ETFBKMT: variants seen among roughly 807,000 people sequenced by gnomAD.
ETFBKMT encodes the protein electron transfer flavoprotein beta subunit lysine methyltransferase.
In ETFBKMT, 13 loss-of-function variants were observed where a neutral mutation model predicts 18.3. The ratio of observed to expected loss-of-function variants is 0.71; its 90% CI spans 0.46 to 1.13. The LOEUF (loss-of-function observed/expected upper bound fraction) is 1.13. Ranked by LOEUF, ETFBKMT falls within the 50% of genes most tolerant of loss-of-function variation. The pLI, the probability that ETFBKMT is intolerant of heterozygous loss-of-function variation, is 0.00. For synonymous variants in ETFBKMT, 84 were observed against 107.9 expected, an observed-to-expected ratio of 0.78 and a Z score of 1.37; for missense variants, 293 against 306.2, an observed-to-expected ratio of 0.96 and a Z score of 0.32.
chr12:31,665,984 A>G, intron 2 of ETFBKMT, 103 bp from the exon 3 acceptor site: 1 of 925,530 alleles, frequency 1.1e-6, no homozygotes. Context: ...GATTTTGTTT[A>G]TAGCCAGTTT....
At chr12:31,659,648 T>C (rs1431501635), upstream of ETFBKMT, 1 of 152,086 alleles carries the variant, frequency 6.6e-6, no homozygotes, top group Non-Finnish European at 1.5e-5. Flanking sequence ...TTAGGCTGCG[T>C]TGTGTGATTC....
chr12:31,666,406 A>G (rs991634051), intron 3 of ETFBKMT, among the ~76,000 whole-genome samples, 189 bp downstream of exon 3: 1 of 152,208 alleles, frequency 6.6e-6, no homozygotes, highest in African/African-American at 2.4e-5. Flanking sequence ...ATTTTTCCCA[A>G]GAGGATTTGT....
chr12:31,667,711 C>A lies in ETFBKMT; in HGVS notation c.510C>A (p.Ile170=). The A allele has an allele frequency of 6.2e-7, 1 of 1,613,662 alleles. No individual in the cohort carries two copies. The part of the protein sequence containing the change: ...LNRLNPFPIL[I]QNILNLEQDK... ...GACTGAATCCTTTTCCTATTTTAAT[C>A]CAAAACATTTTGAATTTGGAACAAG... The change falls in exon 4 of 4, where the codon ATC becomes ATA. Residue 170 remains isoleucine (I), a synonymous_variant. Coordinates refer to ENST00000357721, the MANE Select transcript of ETFBKMT (RefSeq NM_001135863.2).
At chr12:31,647,680 T>C (rs1026055741) in intron 1 of ETFBKMT, among the ~76,000 whole-genome samples, 6 of 151,984 alleles carry the variant, frequency 3.9e-5, no homozygotes, top group Non-Finnish European at 7.4e-5. Context: ...AATACAAAAA[T>C]TAGCCAGGTG....
In ETFBKMT at chr12:31,668,039, T is replaced by C; in HGVS notation, c.*49T>C. On this transcript the variant is annotated 3_prime_UTR_variant, in exon 4 of 4. Transcript: ENST00000357721. ...GAATATAGTAATGTTTGGATCTGAC[T>C]CTAAAAGTTTTCTCTATAGGAGATA... 1 of 1,467,440 alleles carries C rather than the reference T, an allele frequency of 6.8e-7. No individual in the cohort carries two copies. The highest frequency in any genetic ancestry group is 9.3e-7 in the Non-Finnish European group (1 of 1,075,504). 90.9% of individuals were successfully genotyped at this position (1,467,440 alleles called of 1,614,324 possible).
chr12:31,652,702 A>G (rs1006288644), intron 1 of ETFBKMT, among the ~76,000 whole-genome samples: 3 of 152,190 alleles, frequency 2.0e-5, no homozygotes, highest in Admixed American at 6.5e-5. Flanking sequence ...GGTGATTTAT[A>G]TTAGAGGAAA....
chr12:31,650,946 C>T (rs1009528943), intron 1 of ETFBKMT, among the ~76,000 whole-genome samples: 1 of 152,092 alleles, frequency 6.6e-6, no homozygotes, highest in African/African-American at 2.4e-5. Flanking sequence ...GGACTTAGAA[C>T]AGAAGCCATG....
At chr12:31,667,514 T>C in intron 3 of ETFBKMT, 133 bp from the exon 4 acceptor site, 10 of 688,648 alleles carry the variant, frequency 1.5e-5, no homozygotes, top group Non-Finnish European at 2.4e-5. Flanking sequence ...TATACTTCTC[T>C]ACTTTAAAAA....
chr12:31,661,867 T>C lies in ETFBKMT; in HGVS notation c.-87T>C, dbSNP rs2139620721. The C allele has an allele frequency of 1.6e-6, 2 of 1,239,564 alleles. No homozygotes were observed. Among genetic ancestry groups the C allele is most frequent in the East Asian group, 2.3e-5 (1 of 42,808 alleles). The allele number at this position is 1,239,564 out of a possible 1,614,324, so 76.8% of individuals were successfully genotyped here. On this transcript the variant is annotated 5_prime_UTR_variant, in exon 2 of 4. Transcript: ENST00000357721. ...GTCAGAGGTTCCGGTTGAGATCAAG[T>C]TGGGAGACACACCCTTGTTCATTCT... is the stretch of plus-strand genomic sequence containing the variant.
intron 2 of ETFBKMT, 32 bp downstream of exon 2, chr12:31,662,299 C>T (rs56228550): frequency 0.12 from 193,279 of 1,595,246 alleles, 12,226 homozygotes; most frequent in Non-Finnish European, 0.13. Context: ...TAAGGCGCTA[C>T]AGATCTTTGC....
upstream of ETFBKMT, chr12:31,659,592 G>T (rs1951093615): frequency 6.6e-6 from 1 of 152,254 alleles, no homozygotes; most frequent in African/African-American, 2.4e-5. Flanking sequence ...ATGACATGGG[G>T]TCCAAATCCC....
At chr12:31,660,254 G>C (rs1351888319) in intron 1 of ETFBKMT, among the ~76,000 whole-genome samples, 2 of 150,686 alleles carry the variant, frequency 1.3e-5, no homozygotes, top group East Asian at 1.9e-4. Context: ...GGATCTGGCA[G>C]CATGTCCTGC....
upstream of ETFBKMT, among the ~76,000 whole-genome samples, chr12:31,658,781 A>G (rs146594299): frequency 9.2e-5 from 14 of 152,298 alleles, no homozygotes; most frequent in Non-Finnish European, 1.8e-4. Context: ...GTCCAGTTGA[A>G]AGGTGGATAT....
rs1256311010 is a variant in ETFBKMT, at chr12:31,672,762, T to C, written c.*4772T>C. 1 of 170,572 alleles carries C rather than the reference T, an allele frequency of 5.9e-6. No individual in the cohort carries two copies. The highest frequency in any genetic ancestry group is 1.6e-4 in the East Asian group (1 of 6,136). The allele number at this position is 170,572 out of a possible 1,614,324, so 10.6% of individuals were successfully genotyped here. A position where few individuals can be genotyped will look rare whatever the true frequency, so the allele number is the denominator to read the frequency against. ...ACTAAAGTGGGGTGACTGAACAGCA[T>C]TTAATGAAGGGAATATTTACCAAAA... On this transcript the variant is annotated 3_prime_UTR_variant, in exon 4 of 4. Transcript: ENST00000357721.
chr12:31,656,909 A>G (rs184266213), upstream of ETFBKMT, among the ~76,000 whole-genome samples: 9 of 152,358 alleles, frequency 5.9e-5, no homozygotes, highest in East Asian at 1.7e-3. Context: ...CTGTGTTTCT[A>G]ATAATGATCA....
chr12:31,658,050 G>A (rs1349878986), upstream of ETFBKMT, among the ~76,000 whole-genome samples: 1 of 152,116 alleles, frequency 6.6e-6, no homozygotes, highest in Non-Finnish European at 1.5e-5. Flanking sequence ...CTTTTTTCCA[G>A]GAACCAACCC....
chr12:31,662,212 C>A lies in ETFBKMT; in HGVS notation c.259C>A (p.Pro87Thr), dbSNP rs374419612. ...CTGGTGGGAGAGAGCTGACCTGTGGCCCCACAGTGATCCTTACTGGGCAAT... is the reference window on the plus strand; with the variant it reads ...CTGGTGGGAGAGAGCTGACCTGTGGACCCACAGTGATCCTTACTGGGCAAT... ...KFWWERADLWPHSDPYWAIYW... is the reference protein window; with the variant it reads ...KFWWERADLWTHSDPYWAIYW... The change falls in exon 2 of 4, where the codon CCC becomes ACC. Residue 87 changes from proline to threonine, a missense_variant. Coordinates refer to ENST00000357721, the MANE Select transcript of ETFBKMT (RefSeq NM_001135863.2). 1.3e-5 allele frequency: 21 copies of A among 1,614,198 alleles called. No homozygotes were observed. The Admixed American group carries it at 2.3e-4, about 18-fold the overall frequency.
At chr12:31,652,480 A>G (rs1273022332) in intron 1 of ETFBKMT, among the ~76,000 whole-genome samples, 1 of 152,222 alleles carries the variant, frequency 6.6e-6, no homozygotes, top group Non-Finnish European at 1.5e-5. Flanking sequence ...TCCAAAAGGT[A>G]TAAAAGCTTT....
intron 2 of ETFBKMT, among the ~76,000 whole-genome samples, chr12:31,664,619 T>C (rs1951170614): frequency 6.7e-6 from 1 of 149,494 alleles, no homozygotes; most frequent in Non-Finnish European, 1.5e-5. Flanking sequence ...TTTCTTTCTT[T>C]TTTTTTTTTT....
Sources: allele counts gnomAD v4.1 joint callset (sites outside exome capture counted in the v4.1 genomes callset), GRCh38; gene constraint gnomAD v4.1.1; transcripts MANE v1.5; gene names NCBI Gene and HGNC (gene_info 2026-07-23, HGNC 2026-07-21).